TNNT1: variants seen among roughly 807,000 people sequenced by gnomAD.
TNNT1 encodes the protein troponin T, slow skeletal muscle.
A neutral mutation model predicts 50.6 loss-of-function variants in TNNT1; 53 were observed. The ratio of observed to expected loss-of-function variants is 1.05; its 90% CI spans 0.84 to 1.32. The LOEUF (loss-of-function observed/expected upper bound fraction) is 1.32, where lower values mean the gene tolerates loss of function less well. TNNT1 is among the 40% of genes most tolerant of loss of function. The pLI is 0.00. For missense variants in TNNT1, 348 were observed against 381.7 expected (o/e 0.91, Z 0.74); for synonymous variants, 142 against 138.0 (o/e 1.03, Z -0.20).
Position 55,141,843 on chromosome 19 carries a change from C to T in TNNT1, c.192+14G>A. 1 of 1,613,884 alleles carries T rather than the reference C, an allele frequency of 6.2e-7. No individual in the cohort carries two copies. Among genetic ancestry groups the T allele is most frequent in the South Asian group, 1.1e-5 (1 of 91,076 alleles). ...CTAGCAACTGCGCCTGCGGAGGGGT[C>T]TCTTGTCACTTACATCGAAGTCAAC... On this transcript the variant is annotated intron_variant, in intron 7 of 13. Coordinates refer to ENST00000588981, the MANE Select transcript of TNNT1 (RefSeq NM_003283.6).
chr19:55,146,509 G>T (rs907974974), intron 4 of TNNT1, 43 bp from the exon 5 acceptor site: 57 of 1,246,380 alleles, frequency 4.6e-5, no homozygotes, highest in African/African-American at 7.8e-5. Context: ...GGGGAGCGAG[G>T]GGGGAGCGGC....
chr19:55,137,763 C>T (rs570687067), intron 10 of TNNT1, among the ~76,000 whole-genome samples, 198 bp downstream of exon 10: 8 of 150,756 alleles, frequency 5.3e-5, no homozygotes, highest in Non-Finnish European at 1.0e-4. Flanking sequence ...GTCCAGGACC[C>T]CAGCCCCTCC....
Position 55,137,931 on chromosome 19 carries a change from C to CA in TNNT1, c.501+29dup, listed in dbSNP as rs766697620. The CA allele has an allele frequency of 3.7e-6, 6 of 1,614,116 alleles. No homozygotes were observed. In the South Asian group the frequency reaches 4.4e-5, roughly 12 times the overall value. ...CCCCAGCCCCTGCCCCCTCAGAACT[C>CA]AGACCTCAGGCTCCTGCAGGCTGAC... On this transcript the variant is annotated intron_variant, in intron 10 of 13. Transcript: ENST00000588981.
chr19:55,136,423 C>T (rs1357605447), intron 11 of TNNT1, among the ~76,000 whole-genome samples: 1 of 152,178 alleles, frequency 6.6e-6, no homozygotes, highest in Admixed American at 6.5e-5. Flanking sequence ...CCTTTCACAG[C>T]TCTGTGAGGT....
intron 6 of TNNT1, among the ~76,000 whole-genome samples, chr19:55,144,162 G>A (rs190794510): frequency 6.9e-6 from 1 of 145,074 alleles, no homozygotes; most frequent in African/African-American, 2.5e-5. Flanking sequence ...TCTGCCTCCC[G>A]GTTCAAGCGA....
intron 7 of TNNT1, 45 bp downstream of exon 7, chr19:55,141,812 T>TA: frequency 1.2e-6 from 2 of 1,608,420 alleles, no homozygotes; most frequent in Non-Finnish European, 8.5e-7. Context: ...AAAGGCCCCT[T>TA]AAAGACTAGC....
intron 6 of TNNT1, 153 bp downstream of exon 6, chr19:55,145,391 G>GA (rs374656753): frequency 1.4e-6 from 1 of 695,674 alleles, no homozygotes. Context: ...AGGGAGGAGG[G>GA]AAAGGGGGAG....
intron 8 of TNNT1, 25 bp from the exon 9 acceptor site, chr19:55,140,985 G>C: frequency 6.2e-7 from 1 of 1,613,176 alleles, no homozygotes; most frequent in Non-Finnish European, 8.5e-7. Context: ...AGCATAAGGG[G>C]GTGCAGGGAC....
chr19:55,142,853 T>G (rs1440231930), intron 6 of TNNT1, among the ~76,000 whole-genome samples: 1 of 151,618 alleles, frequency 6.6e-6, no homozygotes, highest in Admixed American at 6.6e-5. Context: ...CAGCCATTTT[T>G]AAATTTTTTG....
chr19:55,146,335 AG>A, intron 5 of TNNT1, 98 bp downstream of exon 5: 1 of 643,036 alleles, frequency 1.6e-6, no homozygotes. Flanking sequence ...ATGGGGGCGG[AG>A]GGAGGGAAGG....
Position 55,140,901 on chromosome 19 carries a change from T to C in TNNT1, c.369A>G (p.Glu123=). The C allele has an allele frequency of 6.2e-7, 1 of 1,613,720 alleles. No homozygotes were observed. The highest frequency in any genetic ancestry group is 2.2e-5 in the East Asian group (1 of 44,884). Residue 123 remains glutamate, a synonymous_variant, in exon 9 of 14, where the codon GAA becomes GAG. Coordinates refer to ENST00000588981, the MANE Select transcript of TNNT1 (RefSeq NM_003283.6). ...QQRFRTEKER[E]RQAKLAEEKM... is the part of the protein sequence containing the mutation. ...CACCCACCGCCAGCTTAGCCTGACGTTCGCGTTCCTTCTCAGTTCTGAAGC... is the reference window on the plus strand; with the variant it reads ...CACCCACCGCCAGCTTAGCCTGACGCTCGCGTTCCTTCTCAGTTCTGAAGC...
rs1599877750 is a variant in TNNT1 at position 55,137,934 on chromosome 19, A to G, written c.501+27T>C. 1.9e-6 allele frequency: 3 copies of G among 1,613,880 alleles called. No individual in the cohort carries two copies. In the Admixed American group the frequency reaches 5.0e-5, roughly 27 times the overall value. ...CAGCCCCTGCCCCCTCAGAACTCAG[A>G]CCTCAGGCTCCTGCAGGCTGACTCA... On this transcript the variant is annotated intron_variant, in intron 10 of 13. Coordinates refer to ENST00000588981, the MANE Select transcript of TNNT1 (RefSeq NM_003283.6).
intron 6 of TNNT1, among the ~76,000 whole-genome samples, chr19:55,142,279 C>G (rs955898856): frequency 6.6e-6 from 1 of 151,052 alleles, no homozygotes; most frequent in Admixed American, 6.6e-5. Flanking sequence ...CACCACCAAG[C>G]CTGGCTAATT....
At chr19:55,144,888 C>G (rs1041286949) in intron 6 of TNNT1, among the ~76,000 whole-genome samples, 5 of 152,164 alleles carry the variant, frequency 3.3e-5, no homozygotes, top group Admixed American at 3.3e-4. Context: ...TTAGAAAAGT[C>G]TCTCTCGAGT....
rs535455707 is a variant in TNNT1 at position 55,148,843 on chromosome 19, C to G, written c.-12+318G>C. 2.6e-5 allele frequency among the ~76,000 whole-genome samples: 4 copies of G among 152,172 alleles called. No homozygotes were observed. The East Asian group carries it at 7.7e-4, about 29-fold the overall frequency. ...AATCCTGACACCCAGATTGTTTGAC[C>G]TCCAAGTCCAGATATCCCTGACTGC... On this transcript the variant is annotated intron_variant, in intron 1 of 13. Transcript: ENST00000588981.
Position 55,145,677 on chromosome 19 carries a change from G to C in TNNT1, c.107-112C>G, listed in dbSNP as rs115463201. On this transcript the variant is annotated intron_variant, in intron 5 of 13. Transcript: ENST00000588981. ...CCAAGCCTCGGCCCCCAGGACCCCA[G>C]GGAAGGACTCTGGAGTCCAGTTCTG... The C allele has an allele frequency of 1.1e-3, 1,225 of 1,162,550 alleles. 8 individuals carry two copies. The African/African-American group carries it at 0.014, about 13-fold the overall frequency. The allele number at this position is 1,162,550 out of a possible 1,614,324, so 72.0% of individuals were successfully genotyped here.
In TNNT1 at chr19:55,137,216, A is replaced by C; in HGVS notation, c.502-4T>G. On this transcript the variant is annotated splice_polypyrimidine_tract_variant and splice_region_variant and intron_variant, in intron 10 of 13. Coordinates refer to ENST00000588981, the MANE Select transcript of TNNT1 (RefSeq NM_003283.6). Reference sequence around the variant, plus strand: ...GCTTACCACGCTTCTGTTCTGCCTGAGGGTGGGGGAGGCGGAACAGTAAAC... The same window carrying C: ...GCTTACCACGCTTCTGTTCTGCCTGCGGGTGGGGGAGGCGGAACAGTAAAC... 6.2e-7 allele frequency: 1 copy of C among 1,607,704 alleles called. No homozygotes were observed. Among genetic ancestry groups the C allele is most frequent in the South Asian group, 1.1e-5 (1 of 90,978 alleles).
intron 13 of TNNT1, among the ~76,000 whole-genome samples, chr19:55,133,177 G>A (rs986915076): frequency 3.3e-5 from 5 of 152,058 alleles, no homozygotes; most frequent in Non-Finnish European, 1.5e-5. Context: ...CTGATATTTG[G>A]GGGCGAGTGC....
chr19:55,135,604 C>T (rs990651685), intron 11 of TNNT1: 12 of 167,342 alleles, frequency 7.2e-5, no homozygotes, highest in African/African-American at 1.7e-4. Context: ...CTCGGCTCAC[C>T]GCAACCTCCG....
Sources: allele counts gnomAD v4.1 joint callset (sites outside exome capture counted in the v4.1 genomes callset), GRCh38; gene constraint gnomAD v4.1.1; transcripts MANE v1.5; gene names NCBI Gene and HGNC (gene_info 2026-07-23, HGNC 2026-07-21).